ALK: variants seen among roughly 807,000 people sequenced by gnomAD.
The protein encoded by ALK is ALK tyrosine kinase receptor.
In ALK, 74 loss-of-function variants were observed where a neutral mutation model predicts 163.1. That is an observed-to-expected ratio of 0.45 (90% CI 0.38 to 0.55). The LOEUF (loss-of-function observed/expected upper bound fraction) is 0.55. Ranked by LOEUF, ALK falls within the 20% of genes least tolerant of loss-of-function variation. The pLI, the probability that ALK is intolerant of heterozygous loss-of-function variation, is 0.00. For missense variants in ALK, 2,063 were observed against 2,105.3 expected, an observed-to-expected ratio of 0.98 and a Z score of 0.39; for synonymous variants, 960 against 843.2, an observed-to-expected ratio of 1.14 and a Z score of -2.40.
At chr2:29,856,128 GAC>G (rs1666133058) in intron 1 of ALK, among the ~76,000 whole-genome samples, 1 of 152,282 alleles carries the variant, frequency 6.6e-6, no homozygotes, top group Admixed American at 6.5e-5. Flanking sequence ...TAAAAAAAAT[GAC>G]ACAGAGTTGT....
intron 4 of ALK, among the ~76,000 whole-genome samples, chr2:29,414,956 C>T (rs1373776871): frequency 6.6e-6 from 1 of 151,920 alleles, no homozygotes; most frequent in Non-Finnish European, 1.5e-5. Context: ...CAGAGGATGT[C>T]ACGTGGAGGT....
intron 3 of ALK, among the ~76,000 whole-genome samples, chr2:29,653,049 G>A (rs1431745493): frequency 6.6e-6 from 1 of 152,100 alleles, no homozygotes; most frequent in Non-Finnish European, 1.5e-5. Flanking sequence ...GGGGCATTTT[G>A]GGGACTGATC....
intron 1 of ALK, among the ~76,000 whole-genome samples, chr2:29,779,867 A>G (rs910540087): frequency 6.6e-6 from 1 of 152,226 alleles, no homozygotes; most frequent in African/African-American, 2.4e-5. Context: ...GACATCGAGT[A>G]AAAACAGAGA....
chr2:29,601,123 G>A (rs1573490542), intron 3 of ALK, among the ~76,000 whole-genome samples: 2 of 152,214 alleles, frequency 1.3e-5, no homozygotes, highest in East Asian at 3.8e-4. Context: ...CATTCTAGAA[G>A]AAGTTTCAAA....
intron 4 of ALK, among the ~76,000 whole-genome samples, chr2:29,388,578 T>C (rs1290604402): frequency 6.6e-6 from 1 of 152,128 alleles, no homozygotes; most frequent in Non-Finnish European, 1.5e-5. Flanking sequence ...AAGATGGAGG[T>C]CATAATGCCT....
intron 23 of ALK, among the ~76,000 whole-genome samples, chr2:29,216,933 G>GGGGGGCATGTGTGT (rs147678836): frequency 7.9e-4 from 111 of 141,036 alleles, no homozygotes; most frequent in Admixed American, 2.8e-3. Flanking sequence ...GGTGTGTGGG[G>GGGGGGCATGTGTGT]GGTGTGTGTG....
intron 3 of ALK, among the ~76,000 whole-genome samples, chr2:29,651,908 C>G (rs954151998): frequency 9.2e-5 from 14 of 152,056 alleles, no homozygotes; most frequent in Non-Finnish European, 1.8e-4. Flanking sequence ...AACTGGTGAG[C>G]AGAAGTGTGC....
chr2:29,580,557 G>A (rs751210142), intron 3 of ALK, among the ~76,000 whole-genome samples: 10 of 152,174 alleles, frequency 6.6e-5, no homozygotes, highest in Non-Finnish European at 1.5e-4. Flanking sequence ...TCAGATTAGA[G>A]CCCCGTTATT....
intron 1 of ALK, among the ~76,000 whole-genome samples, chr2:29,885,937 A>C (rs920855097): frequency 6.6e-6 from 1 of 152,178 alleles, no homozygotes; most frequent in African/African-American, 2.4e-5. Flanking sequence ...ATTTCCATAA[A>C]GTTACACCAT....
At chr2:29,753,920 A>G (rs1680443249) in intron 1 of ALK, among the ~76,000 whole-genome samples, 1 of 152,220 alleles carries the variant, frequency 6.6e-6, no homozygotes, top group Admixed American at 6.5e-5. Context: ...AATCATTTTG[A>G]ATGTTTTTAA....
At chr2:29,437,902 A>G (rs1573353761) in intron 4 of ALK, among the ~76,000 whole-genome samples, 2 of 152,232 alleles carry the variant, frequency 1.3e-5, no homozygotes, top group East Asian at 3.8e-4. Context: ...AGTCATTTAT[A>G]TTTTGAAAAG....
intron 3 of ALK, among the ~76,000 whole-genome samples, chr2:29,691,052 C>T (rs1278285117): frequency 6.6e-6 from 1 of 152,208 alleles, no homozygotes; most frequent in African/African-American, 2.4e-5. Flanking sequence ...TTTTCTCTTC[C>T]TGAACCTTCA....
At chr2:29,421,750 A>G (rs1670020389) in intron 4 of ALK, among the ~76,000 whole-genome samples, 1 of 151,488 alleles carries the variant, frequency 6.6e-6, no homozygotes, top group African/African-American at 2.5e-5. Flanking sequence ...GAGACTCCTA[A>G]GTGCCAGCCA....
intron 1 of ALK, among the ~76,000 whole-genome samples, chr2:29,883,338 A>G (rs1666913021): frequency 6.6e-6 from 1 of 152,118 alleles, no homozygotes; most frequent in Non-Finnish European, 1.5e-5. Context: ...TCCTTTAAGT[A>G]TCCTACTGCC....
intron 4 of ALK, among the ~76,000 whole-genome samples, chr2:29,479,644 A>G (rs1478575022): frequency 6.6e-6 from 1 of 152,198 alleles, no homozygotes; most frequent in Non-Finnish European, 1.5e-5. Context: ...TGCTGGGTTC[A>G]GGGAGTTGAG....
At chr2:29,301,577 G>A (rs973267017) in intron 8 of ALK, among the ~76,000 whole-genome samples, 4 of 152,194 alleles carry the variant, frequency 2.6e-5, no homozygotes, top group East Asian at 1.9e-4. Context: ...TACATTCTAT[G>A]GGTCAGGGAC....
At chr2:29,517,165 T>C (rs1672692361) in intron 4 of ALK, among the ~76,000 whole-genome samples, 1 of 152,130 alleles carries the variant, frequency 6.6e-6, no homozygotes, top group Admixed American at 6.6e-5. Flanking sequence ...AGCCAGTGAA[T>C]TTCCATGGGA....
intron 3 of ALK, among the ~76,000 whole-genome samples, chr2:29,625,259 AC>A (rs1178810763): frequency 6.6e-6 from 1 of 152,232 alleles, no homozygotes; most frequent in Non-Finnish European, 1.5e-5. Flanking sequence ...AGTAAAGATT[AC>A]ATAGCTAAGG....
chr2:29,408,229 C>T (rs777346806), intron 4 of ALK, among the ~76,000 whole-genome samples: 39 of 151,680 alleles, frequency 2.6e-4, no homozygotes, highest in African/African-American at 8.5e-4. Flanking sequence ...ACTACAGGTA[C>T]GTGCCACCAC....
Sources: allele counts gnomAD v4.1 joint callset (sites outside exome capture counted in the v4.1 genomes callset), GRCh38; gene constraint gnomAD v4.1.1; transcripts MANE v1.5; gene names NCBI Gene and HGNC (gene_info 2026-07-23, HGNC 2026-07-21).